PI4KA: variants seen among roughly 807,000 people sequenced by gnomAD.
The protein encoded by PI4KA is PI4-kinase alpha.
A neutral mutation model predicts 271.4 loss-of-function variants in PI4KA; 122 were observed. That is an observed-to-expected ratio of 0.45 (90% CI 0.39 to 0.52). The LOEUF (loss-of-function observed/expected upper bound fraction) is 0.52, where lower values mean the gene tolerates loss of function less well. Among genes scored for constraint, PI4KA ranks in the 20% least tolerant of loss-of-function variants. PI4KA has a pLI of 0.00. For synonymous variants in PI4KA, 1,041 were observed against 1,078.8 expected, an observed-to-expected ratio of 0.96 and a Z score of 0.69; for missense variants, 1,969 against 2,769.1, an observed-to-expected ratio of 0.71 and a Z score of 6.48.
chr22:20,762,421 T>C (rs1932062903), intron 22 of PI4KA, among the ~76,000 whole-genome samples: 2 of 152,234 alleles, frequency 1.3e-5, no homozygotes, highest in African/African-American at 2.4e-5. Context: ...GCTTTGAGGT[T>C]GCCTCTCTAT....
intron 19 of PI4KA, among the ~76,000 whole-genome samples, chr22:20,792,707 C>T (rs1047182207): frequency 7.9e-5 from 12 of 152,194 alleles, no homozygotes; most frequent in Admixed American, 3.9e-4. Flanking sequence ...CACGATGGTG[C>T]CACACAGGAG....
intron 1 of PI4KA, among the ~76,000 whole-genome samples, chr22:20,853,195 G>A (rs1927198744): frequency 6.6e-6 from 1 of 152,194 alleles, no homozygotes. Flanking sequence ...AGCCTCCTGA[G>A]GGTGGGGAGA....
chr22:20,804,188 C>T, intron 12 of PI4KA, 112 bp downstream of exon 12: 1 of 731,208 alleles, frequency 1.4e-6, no homozygotes, highest in South Asian at 1.5e-5. Flanking sequence ...AAAGACAGAA[C>T]CGGCAGGGTC....
chr22:20,788,863 T>C (rs1050028001), intron 19 of PI4KA, among the ~76,000 whole-genome samples: 16 of 152,210 alleles, frequency 1.1e-4, no homozygotes, highest in African/African-American at 3.9e-4. Context: ...GCAGCTTCCT[T>C]TTGGCTCTTC....
At chr22:20,766,265 T>TAACA (rs1932514639) in intron 19 of PI4KA, among the ~76,000 whole-genome samples, 2 of 152,004 alleles carry the variant, frequency 1.3e-5, no homozygotes, top group Admixed American at 1.3e-4. Flanking sequence ...CCCATATATG[T>TAACA]AACAGGTAAA....
chr22:20,784,414 G>C, intron 19 of PI4KA, among the ~76,000 whole-genome samples: 1 of 152,156 alleles, frequency 6.6e-6, no homozygotes, highest in East Asian at 1.9e-4. Context: ...CTTGAGATAA[G>C]AGATGATTAG....
chr22:20,729,455 C>A lies in PI4KA; in HGVS notation c.4540G>T (p.Glu1514Ter). The A allele has an allele frequency of 1.2e-6, 2 of 1,611,050 alleles. No individual in the cohort carries two copies. The highest frequency in any genetic ancestry group is 2.2e-5 in the South Asian group (2 of 90,556). The change falls in exon 39 of 55, where the codon GAA becomes TAA. Residue 1514 changes from glutamate (E) to a stop codon, truncating the protein, a stop_gained. Transcript: ENST00000255882. LOFTEE classifies it high-confidence loss of function. ...TCTCCGGCCTGGTCTAGTTCCAGTT[C>A]CGGGGCTGACAGCGGGTTGTACCAT... ...ITWYNPLSAP[E>*]LELDQAGENS...
chr22:20,777,943 G>A (rs1004986991), intron 19 of PI4KA, among the ~76,000 whole-genome samples: 1 of 152,152 alleles, frequency 6.6e-6, no homozygotes, highest in Non-Finnish European at 1.5e-5. Flanking sequence ...CTTAAATAAA[G>A]GGAGTGCCCC....
rs1435121875 is a variant in PI4KA, at chr22:20,708,045, C to A, written c.*2G>T. 1 of 1,607,934 alleles carries A rather than the reference C, an allele frequency of 6.2e-7. No individual in the cohort carries two copies. The highest frequency in any genetic ancestry group is 8.5e-7 in the Non-Finnish European group (1 of 1,174,568). On this transcript the variant is annotated 3_prime_UTR_variant, in exon 55 of 55. Coordinates refer to ENST00000255882, the MANE Select transcript of PI4KA (RefSeq NM_058004.4). ...GGGCAGAGGCCCTCGAAGGTCCCCTCCTCAGTAGGGGATGTCATTCTGATA... is the reference window on the plus strand; with the variant it reads ...GGGCAGAGGCCCTCGAAGGTCCCCTACTCAGTAGGGGATGTCATTCTGATA...
rs1490103595 is a variant in PI4KA at position 20,818,434 on chromosome 22, T to C, written c.856+49A>G. The C allele has an allele frequency of 7.1e-6, 10 of 1,399,110 alleles. No homozygotes were observed. In the African/African-American group the frequency reaches 1.3e-4, roughly 18 times the overall value. The allele number at this position is 1,399,110 out of a possible 1,614,324, so 86.7% of individuals were successfully genotyped here. ...ATATCACGAGAAGTCACTGTGAGCC[T>C]GTTCTCCAAGTATTACGTCAAAATA... On this transcript the variant is annotated intron_variant, in intron 7 of 54. Transcript: ENST00000255882.
At chr22:20,790,351 ATCTT>A (rs1225938829) in intron 19 of PI4KA, among the ~76,000 whole-genome samples, 1 of 152,210 alleles carries the variant, frequency 6.6e-6, no homozygotes, top group Non-Finnish European at 1.5e-5. Flanking sequence ...AATAGAGTAT[ATCTT>A]TCTTTTAAAA....
chr22:20,828,964 C>T (rs2147737619), intron 3 of PI4KA, among the ~76,000 whole-genome samples: 1 of 152,300 alleles, frequency 6.6e-6, no homozygotes, highest in African/African-American at 2.4e-5. Context: ...CCATGAATCA[C>T]ATTAATTGAT....
intron 52 of PI4KA, 138 bp from the exon 53 acceptor site, chr22:20,710,135 T>A (rs1925059113): frequency 1.5e-6 from 1 of 678,940 alleles, no homozygotes; most frequent in Admixed American, 2.2e-5. Context: ...ATCTTGCACA[T>A]CCCCGAGGCA....
chr22:20,792,883 G>A (rs1035184100), intron 19 of PI4KA, among the ~76,000 whole-genome samples: 2 of 152,230 alleles, frequency 1.3e-5, no homozygotes, highest in African/African-American at 4.8e-5. Flanking sequence ...AAGGGCATGA[G>A]ACACAGGATG....
At chr22:20,767,936 AATTATT>A (rs58742158) in intron 19 of PI4KA, among the ~76,000 whole-genome samples, 31,773 of 141,396 alleles carry the variant, frequency 0.22, 3,789 homozygotes, top group East Asian at 0.4. Flanking sequence ...CACCTGGCCT[AATTATT>A]ATTATTATTA....
rs367740578 is a variant in PI4KA, at chr22:20,811,021, G to C, written c.1017C>G (p.Ile339Met). 2 of 1,612,698 alleles carry C rather than the reference G, an allele frequency of 1.2e-6. No homozygotes were observed. Among genetic ancestry groups the C allele is most frequent in the Admixed American group, 1.7e-5 (1 of 59,988 alleles). Residue 339 changes from isoleucine to methionine, a missense_variant, in exon 9 of 55, where the codon ATC (isoleucine) becomes ATG (methionine). Ile to Met is a conservative substitution (Grantham distance 10, BLOSUM62 1). Around this residue, in one of 13 missense-constraint regions of PI4KA, gnomAD observed 540 missense variants for 555.5 expected, o/e 0.97. Coordinates refer to ENST00000255882, the MANE Select transcript of PI4KA (RefSeq NM_058004.4). ...AAGATTTGAGAACAGCCTCCTCAACGATCTTCTTCACCTACCAAGGAAACA... is the reference window on the plus strand; with the variant it reads ...AAGATTTGAGAACAGCCTCCTCAACCATCTTCTTCACCTACCAAGGAAACA... ...LRELLNLVKK[I>M]VEEAVLKSLD...
chr22:20,719,024 G>A (rs939927052), intron 43 of PI4KA, among the ~76,000 whole-genome samples: 6 of 152,208 alleles, frequency 3.9e-5, no homozygotes, highest in Non-Finnish European at 8.8e-5. Flanking sequence ...GTGCCTAAGC[G>A]GAGCTCAAGG....
intron 9 of PI4KA, 61 bp downstream of exon 9, chr22:20,810,906 C>T (rs1477185712): frequency 1.6e-6 from 2 of 1,270,014 alleles, no homozygotes; most frequent in Middle Eastern, 1.9e-4. Context: ...ACTCTTCCTG[C>T]TTTCTCTACA....
Position 20,718,358 on chromosome 22 carries a change from C to T in PI4KA, c.5246+335G>A, listed in dbSNP as rs1379832528. On this transcript the variant is annotated intron_variant, in intron 44 of 54. Coordinates refer to ENST00000255882, the MANE Select transcript of PI4KA (RefSeq NM_058004.4). ...CTGGTTTTCCTGACACCATGAGGAT[C>T]GATCCTTCAAAGTGTGGAGAGGGCA... 3.3e-5 allele frequency among the ~76,000 whole-genome samples: 5 copies of T among 152,214 alleles called. No homozygotes were observed. In the South Asian group the frequency reaches 6.2e-4, roughly 19 times the overall value.
Sources: gnomAD v4.1 joint callset for allele counts (sites outside exome capture counted in the v4.1 genomes callset) on GRCh38, gnomAD v4.1.1 for gene constraint, gnomAD v4.1.1 regional missense constraint, MANE v1.5 for transcripts, NCBI Gene and HGNC (gene_info 2026-07-23, HGNC 2026-07-21) for gene names.